MSH6: variants seen among roughly 807,000 people sequenced by gnomAD.
The protein encoded by MSH6 is mutS homolog 6, also known as DNA mismatch repair protein Msh6.
In MSH6, 85 loss-of-function variants were observed where a neutral mutation model predicts 119.1. The ratio of observed to expected loss-of-function variants is 0.71; its 90% CI spans 0.60 to 0.85. The LOEUF (loss-of-function observed/expected upper bound fraction) is 0.85. Ranked by LOEUF, MSH6 falls within the 40% of genes least tolerant of loss-of-function variation. MSH6 has a pLI of 0.00. For missense variants in MSH6, 2,163 were observed against 1,655.3 expected (o/e 1.31, Z -5.32); for synonymous variants, 830 against 586.9 (o/e 1.41, Z -5.99).
rs55882234 is a variant in MSH6, at chr2:47,799,153, T to A, written c.1170T>A (p.Asp390Glu). 3.1e-6 allele frequency: 5 copies of A among 1,613,676 alleles called. No individual in the cohort carries two copies. In the Admixed American group the frequency reaches 8.3e-5, roughly 27 times the overall value. ...ACAGGAGGAGGCCTGATCACCCCGATTTTGATGCATCTACACTCTATGTGC... is the reference window on the plus strand; with the variant it reads ...ACAGGAGGAGGCCTGATCACCCCGAATTTGATGCATCTACACTCTATGTGC... ...DEHRRRPDHP[D>E]FDASTLYVPE... The change falls in exon 4 of 10, where the codon GAT (aspartate) becomes GAA (glutamate). Residue 390 changes from aspartate (D) to glutamate (E), a missense_variant. Transcript: ENST00000234420.
At chr2:47,790,149 C>T (rs936862644) in intron 1 of MSH6, among the ~76,000 whole-genome samples, 1 of 152,050 alleles carries the variant, frequency 6.6e-6, no homozygotes, top group Non-Finnish European at 1.5e-5. Context: ...TGGCCAGGCG[C>T]GGTGGCTCAC....
rs2104473670 is a variant in MSH6, at chr2:47,803,463, T to A, written c.3216T>A (p.Gly1072=). The change falls in exon 5 of 10, where the codon GGT becomes GGA. Residue 1072 remains glycine (G), a synonymous_variant. Coordinates refer to ENST00000234420, the MANE Select transcript of MSH6 (RefSeq NM_000179.3). ...CTAACTATAGTCGAGGGGGTGATGGTCCTATGTGTCGCCCAGTAATTCTGT... is the reference window on the plus strand; with the variant it reads ...CTAACTATAGTCGAGGGGGTGATGGACCTATGTGTCGCCCAGTAATTCTGT... ...CLANYSRGGD[G]PMCRPVILLP... The A allele has an allele frequency of 6.2e-7, 1 of 1,614,190 alleles. No individual in the cohort carries two copies. Among genetic ancestry groups the A allele is most frequent in the Non-Finnish European group, 8.5e-7 (1 of 1,180,044 alleles).
intron 4 of MSH6, 21 bp from the exon 5 acceptor site, chr2:47,803,399 T>TTTTACC: frequency 6.2e-7 from 1 of 1,614,122 alleles, no homozygotes; most frequent in Non-Finnish European, 8.5e-7. Flanking sequence ...GAAGCCTCAC[T>TTTTACC]TTTACCCTCT....
At chr2:47,794,769 T>C (rs925382111) in intron 2 of MSH6, among the ~76,000 whole-genome samples, 3 of 152,158 alleles carry the variant, frequency 2.0e-5, no homozygotes, top group Non-Finnish European at 4.4e-5. Flanking sequence ...TGCATGTAAC[T>C]GACAGTGTAG....
chr2:47,783,314 C>G lies in MSH6; in HGVS notation c.81C>G (p.Ala27=), dbSNP rs781496151. The G allele has an allele frequency of 2.2e-5, 36 of 1,611,778 alleles. No individual in the cohort carries two copies. The highest frequency in any genetic ancestry group is 6.7e-5 in the Admixed American group (4 of 59,954). The change falls in exon 1 of 10, where the codon GCC becomes GCG. Residue 27 remains alanine, a synonymous_variant. Coordinates refer to ENST00000234420, the MANE Select transcript of MSH6 (RefSeq NM_000179.3). ...LSDANKASAR[A]SREGGRAAAA... ...ATGCCAACAAGGCCTCGGCCAGGGC[C>G]TCACGCGAAGGCGGCCGTGCCGCCG...
chr2:47,783,300 G>A lies in MSH6; in HGVS notation c.67G>A (p.Ala23Thr), dbSNP rs730881810. 6.2e-7 allele frequency: 1 copy of A among 1,612,090 alleles called. No homozygotes were observed. Residue 23 changes from alanine to threonine, a missense_variant, in exon 1 of 10, where the codon GCC (alanine) becomes ACC (threonine). Ala to Thr is a moderately conservative substitution (Grantham distance 58). Transcript: ENST00000234420. ...TCCGGCGCTGAGTGATGCCAACAAG[G>A]CCTCGGCCAGGGCCTCACGCGAAGG... ...KSPALSDANK[A>T]SARASREGGR...
chr2:47,803,072 T>C (rs1394682003), intron 4 of MSH6, among the ~76,000 whole-genome samples: 1 of 152,092 alleles, frequency 6.6e-6, no homozygotes, highest in Non-Finnish European at 1.5e-5. Flanking sequence ...CCACGTGTAT[T>C]AGGCACTGCT....
At chr2:47,803,742 ATACT>A (rs1669779907) in intron 5 of MSH6, 57 bp downstream of exon 5, 6 of 1,598,802 alleles carry the variant, frequency 3.8e-6, no homozygotes, top group African/African-American at 1.3e-5. Flanking sequence ...TAGGAATAAC[ATACT>A]TAGGTGATCA....
intron 1 of MSH6, among the ~76,000 whole-genome samples, chr2:47,788,733 C>G (rs2104035292): frequency 6.7e-6 from 1 of 149,552 alleles, no homozygotes; most frequent in South Asian, 2.1e-4. Flanking sequence ...CCATGCCCAG[C>G]TAATTTTTGT....
chr2:47,792,889 C>G (rs1021270952), intron 2 of MSH6, among the ~76,000 whole-genome samples: 2 of 133,318 alleles, frequency 1.5e-5, no homozygotes, highest in East Asian at 2.3e-4. Flanking sequence ...GACGGTCTTG[C>G]TATGTTGCCC....
chr2:47,805,895 C>T (rs1186942432), intron 7 of MSH6, among the ~76,000 whole-genome samples, 188 bp downstream of exon 7: 1 of 152,018 alleles, frequency 6.6e-6, no homozygotes, highest in Non-Finnish European at 1.5e-5. Context: ...TTTTGATTAC[C>T]CATTAATTAT....
At chr2:47,788,911 T>C (rs1558650136) in intron 1 of MSH6, among the ~76,000 whole-genome samples, 1 of 56,360 alleles carries the variant, frequency 1.8e-5, no homozygotes, top group African/African-American at 6.5e-5. Context: ...TTCTTCCTTT[T>C]TTTTTTTTTT....
Position 47,800,505 on chromosome 2 carries a change from G to A in MSH6, c.2522G>A (p.Arg841Lys), listed in dbSNP as rs2104410842. 1 of 1,612,776 alleles carries A rather than the reference G, an allele frequency of 6.2e-7. No individual in the cohort carries two copies. Among genetic ancestry groups the A allele is most frequent in the South Asian group, 1.1e-5 (1 of 90,966 alleles). The change falls in exon 4 of 10, where the codon AGG (arginine) becomes AAG (lysine). Residue 841 changes from arginine to lysine, a missense_variant. Coordinates refer to ENST00000234420, the MANE Select transcript of MSH6 (RefSeq NM_000179.3). The part of the protein sequence containing the change: ...PLKSQNHPDS[R>K]AIMYEETTYS... The stretch of plus-strand genomic sequence containing the variant: ...AAGAGTCAGAACCACCCAGACAGCA[G>A]GGCTATAATGTATGAAGAAACTACA...
At chr2:47,808,657 T>G (rs1003121921), downstream of MSH6, 11 of 422,802 alleles carry the variant, frequency 2.6e-5, no homozygotes, top group Non-Finnish European at 3.3e-5. Flanking sequence ...TAAAGGCAGT[T>G]CTTTCCACTT....
At position 47,801,205 on chromosome 2, in the gene MSH6, T is replaced by G. The variant is rs766995218; in HGVS notation, c.3172+50T>G. The G allele has an allele frequency of 1.9e-6, 3 of 1,584,602 alleles. No individual in the cohort carries two copies. In the South Asian group the frequency reaches 3.3e-5, roughly 17 times the overall value. ...TCAGGCTTTGATAAGTAGTGCTGTTTGCCAGCTGTATATTATCCCTAAAAA... is the reference window on the plus strand; with the variant it reads ...TCAGGCTTTGATAAGTAGTGCTGTTGGCCAGCTGTATATTATCCCTAAAAA... On this transcript the variant is annotated intron_variant, in intron 4 of 9. Transcript: ENST00000234420.
In MSH6 at chr2:47,799,250, C is replaced by G. The variant is rs587781657; in HGVS notation, c.1267C>G (p.Leu423Val). The G allele has an allele frequency of 3.1e-6, 5 of 1,614,008 alleles. No homozygotes were observed. The highest frequency in any genetic ancestry group is 4.2e-6 in the Non-Finnish European group (5 of 1,180,032). Residue 423 changes from leucine (L) to valine (V), a missense_variant, in exon 4 of 10, where the codon CTT becomes GTT. Transcript: ENST00000234420. ...WWQIKSQNFDLVICYKVGKFY... is the reference protein window; with the variant it reads ...WWQIKSQNFDVVICYKVGKFY... ...GCAGATTAAGTCTCAGAACTTTGAT[C>G]TTGTCATCTGTTACAAGGTGGGGAA... is the stretch of plus-strand genomic sequence containing the variant.
rs544222338 is a variant in MSH6, at chr2:47,798,909, C to A, written c.926C>A (p.Ser309Tyr). 2 of 1,614,042 alleles carry A rather than the reference C, an allele frequency of 1.2e-6. No homozygotes were observed. The highest frequency in any genetic ancestry group is 2.2e-5 in the East Asian group (1 of 44,896). ...AAGAGAATGGTGACTGGAAATGGCT[C>A]TCTTAAAAGGAAAAGCTCTAGGAAG... is the stretch of plus-strand genomic sequence containing the variant. ...KRKRMVTGNG[S>Y]LKRKSSRKET... Residue 309 changes from serine (S) to tyrosine (Y), a missense_variant, in exon 4 of 10, where the codon TCT becomes TAT. Ser to Tyr is a moderately radical substitution (Grantham distance 144, BLOSUM62 -2). Transcript: ENST00000234420.
In MSH6 at chr2:47,800,124, C is replaced by G. The variant is rs730881796; in HGVS notation, c.2141C>G (p.Ser714Cys). 5.3e-5 allele frequency: 86 copies of G among 1,614,062 alleles called. No individual in the cohort carries two copies. Among genetic ancestry groups the G allele is most frequent in the Non-Finnish European group, 7.1e-5 (84 of 1,180,038 alleles). The change falls in exon 4 of 10, where the codon TCT becomes TGT. Residue 714 changes from serine (S) to cysteine (C), a missense_variant. Ser to Cys is a moderately radical substitution (Grantham distance 112). Transcript: ENST00000234420. Reference protein sequence around the residue: ...ANFEEYIPLDSDTVSTTRSGA... With the variant: ...ANFEEYIPLDCDTVSTTRSGA... The stretch of plus-strand genomic sequence containing the variant: ...TTTGAAGAATATATTCCCTTGGATT[C>G]TGACACAGTCAGCACTACAAGATCT...
chr2:47,783,415 C>T lies in MSH6; in HGVS notation c.182C>T (p.Ala61Val), dbSNP rs572336612. 3.7e-5 allele frequency: 56 copies of T among 1,519,890 alleles called. No individual in the cohort carries two copies. In the South Asian group the frequency reaches 6.1e-4, roughly 17 times the overall value. 94.2% of individuals were successfully genotyped at this position (1,519,890 alleles called of 1,614,324 possible). ...GCTGGGCCTGGGCCCAGGCCCTTGG[C>T]GCGCTCCGCGTCACCGCCCAAGGCG... Reference protein sequence around the residue: ...SEAGPGPRPLARSASPPKAKN... With the variant: ...SEAGPGPRPLVRSASPPKAKN... Residue 61 changes from alanine (A) to valine (V), a missense_variant, in exon 1 of 10, where the codon GCG becomes GTG. Coordinates refer to ENST00000234420, the MANE Select transcript of MSH6 (RefSeq NM_000179.3).
Sources: gnomAD v4.1 joint callset for allele counts (sites outside exome capture counted in the v4.1 genomes callset) on GRCh38, gnomAD v4.1.1 for gene constraint, MANE v1.5 for transcripts, NCBI Gene and HGNC (gene_info 2026-07-23, HGNC 2026-07-21) for gene names.